Variants in UTP25 observed in about 807,000 individuals in gnomAD.
UTP25 encodes U3 small nucleolar RNA-associated protein 25 homolog.
In UTP25, 50 loss-of-function variants were observed where a neutral mutation model predicts 78.9. The ratio of observed to expected loss-of-function variants is 0.63; its 90% CI spans 0.50 to 0.80. UTP25 has a LOEUF of 0.80. UTP25 is among the 30% of genes least tolerant of loss of function. The pLI, the probability that UTP25 is intolerant of heterozygous loss-of-function variation, is 0.00. For synonymous variants in UTP25, 329 were observed against 336.5 expected, an observed-to-expected ratio of 0.98 and a Z score of 0.24; for missense variants, 846 against 911.3, an observed-to-expected ratio of 0.93 and a Z score of 0.92.
intron 11 of UTP25, among the ~76,000 whole-genome samples, chr1:209,846,133 A>C (rs1380759349): frequency 6.6e-6 from 1 of 152,122 alleles, no homozygotes; most frequent in Non-Finnish European, 1.5e-5. Flanking sequence ...TTGGGGTTAC[A>C]GGCATGAGCC....
chr1:209,838,813 A>G lies in UTP25; in HGVS notation c.1063-96A>G, dbSNP rs779720285. The G allele has an allele frequency of 7.3e-5, 99 of 1,364,740 alleles. No individual in the cohort carries two copies. In the Middle Eastern group the frequency reaches 1.1e-3, roughly 15 times the overall value. The allele number at this position is 1,364,740 out of a possible 1,614,324, so 84.5% of individuals were successfully genotyped here. A position where few individuals can be genotyped will look rare whatever the true frequency, so the allele number is the denominator to read the frequency against. ...TTTCTTGGCTGGGGGCCACTGCTCT[A>G]CATGGAGCTTTTTAGCTCCACTTCC... is the stretch of plus-strand genomic sequence containing the variant. On this transcript the variant is annotated intron_variant, in intron 6 of 11. Coordinates refer to ENST00000491415, the MANE Select transcript of UTP25 (RefSeq NM_014388.7).
intron 1 of UTP25, among the ~76,000 whole-genome samples, chr1:209,829,485 TC>T (rs1390310156): frequency 5.6e-5 from 8 of 143,482 alleles, no homozygotes; most frequent in South Asian, 2.4e-4. Flanking sequence ...TCTTTTCTTT[TC>T]TTTTTTCTTT....
At chr1:209,849,808 T>C (rs1282342765) in intron 11 of UTP25, among the ~76,000 whole-genome samples, 1 of 152,242 alleles carries the variant, frequency 6.6e-6, no homozygotes, top group African/African-American at 2.4e-5. Flanking sequence ...ACCCACTTTT[T>C]TGGCAGAGGC....
chr1:209,844,975 C>T (rs2078189098), intron 11 of UTP25, among the ~76,000 whole-genome samples: 1 of 152,206 alleles, frequency 6.6e-6, no homozygotes, highest in Middle Eastern at 3.2e-3. Context: ...TGCATTTTCT[C>T]AGAGAATCCT....
At chr1:209,839,220 C>A in intron 7 of UTP25, 92 bp downstream of exon 7, 1 of 1,175,026 alleles carries the variant, frequency 8.5e-7, no homozygotes, top group South Asian at 1.5e-5. Flanking sequence ...CCCAGTGGAT[C>A]ACTCACTGTG....
At position 209,835,123 on chromosome 1, in the gene UTP25, AG is replaced by A; in HGVS notation, c.613del (p.Ala205LeufsTer40). 6.2e-7 allele frequency: 1 copy of A among 1,613,824 alleles called. No individual in the cohort carries two copies. The highest frequency in any genetic ancestry group is 1.3e-5 in the African/African-American group (1 of 75,036). ...VNKELKEKAI[Q>X]AVATNPKTTH... ...AAAGAACTGAAAGAAAAAGCAATTC[AG>A]GCTGTTGCCACAAATCCCAAAACTA... On this transcript the variant is annotated frameshift_variant, in exon 5 of 12. Transcript: ENST00000491415. LOFTEE classifies it high-confidence loss of function.
In UTP25 at chr1:209,843,458, T is replaced by C. The variant is rs763108252; in HGVS notation, c.1789T>C (p.Phe597Leu). 2.5e-6 allele frequency: 4 copies of C among 1,613,844 alleles called. No homozygotes were observed. In the Admixed American group the frequency reaches 5.0e-5, roughly 20 times the overall value. The change falls in exon 11 of 12, where the codon TTT becomes CTT. Residue 597 changes from phenylalanine to leucine, a missense_variant. By Grantham distance (22) the Phe-to-Leu change is conservative (BLOSUM62 0). Transcript: ENST00000491415. Reference sequence around the variant, plus strand: ...TTTGCCATTCCAAATCAGGTTTAACTTTTTTGTGAACAAGATTTTGCCACA... The same window carrying C: ...TTTGCCATTCCAAATCAGGTTTAACCTTTTTGTGAACAAGATTTTGCCACA... The part of the protein sequence containing the change: ...LASVIDARFN[F>L]FVNKILPQYR...
chr1:209,839,844 T>C (rs1358470287), intron 7 of UTP25, among the ~76,000 whole-genome samples: 1 of 152,180 alleles, frequency 6.6e-6, no homozygotes, highest in Non-Finnish European at 1.5e-5. Flanking sequence ...GTGCAGGATA[T>C]GTGTGCAACG....
Position 209,851,413 on chromosome 1 carries a change from A to G in UTP25, c.2237A>G (p.Lys746Arg). ...GCGGCACAGATGCTACAGTCCAACA[A>G]GAATGTCCACCTCTTCATTACTGGA... ...ERAAQMLQSN[K>R]NVHLFITGEK Residue 746 changes from lysine (K) to arginine (R), a missense_variant, in exon 12 of 12, where the codon AAG becomes AGG. By Grantham distance (26) the Lys-to-Arg change is conservative (BLOSUM62 2). Transcript: ENST00000491415. 6.2e-7 allele frequency: 1 copy of G among 1,612,112 alleles called. No individual in the cohort carries two copies. The highest frequency in any genetic ancestry group is 8.5e-7 in the Non-Finnish European group (1 of 1,179,516).
rs538085334 is a variant in UTP25, at chr1:209,849,146, C to G, written c.2028-2058C>G. Reference sequence around the variant, plus strand: ...CATGAAGTCGGGGGGAGGGGGTTCTCCTGGTCCAGCTCAATTTTTGGCAGG... The same window carrying G: ...CATGAAGTCGGGGGGAGGGGGTTCTGCTGGTCCAGCTCAATTTTTGGCAGG... On this transcript the variant is annotated intron_variant, in intron 11 of 11. Coordinates refer to ENST00000491415, the MANE Select transcript of UTP25 (RefSeq NM_014388.7). Among the ~76,000 whole-genome samples the G allele has an allele frequency of 1.7e-4, 26 of 152,238 alleles. No homozygotes were observed. In the East Asian group the frequency reaches 4.5e-3, roughly 26 times the overall value.
Position 209,830,967 on chromosome 1 carries a change from A to G in UTP25, c.312A>G (p.Glu104=), listed in dbSNP as rs758671970. ...EEEDSIVDDA[E]MNDEDGGSDV... is the part of the protein sequence containing the mutation. ...AAGACAGTATTGTAGATGATGCAGA[A>G]ATGAACGATGAAGATGGTGGTAGCG... Residue 104 remains glutamate, a synonymous_variant, in exon 3 of 12, where the codon GAA becomes GAG. Coordinates refer to ENST00000491415, the MANE Select transcript of UTP25 (RefSeq NM_014388.7). 1.2e-6 allele frequency: 2 copies of G among 1,613,990 alleles called. No individual in the cohort carries two copies. Among genetic ancestry groups the G allele is most frequent in the Non-Finnish European group, 1.7e-6 (2 of 1,179,968 alleles).
At chr1:209,850,667 T>C (rs1053552174) in intron 11 of UTP25, among the ~76,000 whole-genome samples, 3 of 152,228 alleles carry the variant, frequency 2.0e-5, no homozygotes, top group South Asian at 4.1e-4. Flanking sequence ...TTTCTCATGA[T>C]GCCTAGTGGG....
intron 8 of UTP25, among the ~76,000 whole-genome samples, chr1:209,841,739 C>T (rs2102576566): frequency 6.6e-6 from 1 of 152,280 alleles, no homozygotes; most frequent in African/African-American, 2.4e-5. Flanking sequence ...GTAGAACTTA[C>T]TTCTAAAGTA....
At chr1:209,834,289 A>C (rs2078119969) in intron 4 of UTP25, among the ~76,000 whole-genome samples, 1 of 152,164 alleles carries the variant, frequency 6.6e-6, no homozygotes, top group African/African-American at 2.4e-5. Context: ...TTCATTTGAA[A>C]TTTTACTGTT....
At chr1:209,836,370 C>T (rs2078132965) in intron 5 of UTP25, among the ~76,000 whole-genome samples, 1 of 152,200 alleles carries the variant, frequency 6.6e-6, no homozygotes, top group East Asian at 1.9e-4. Context: ...AACTTGTCAA[C>T]ACCTTTAGTA....
Position 209,857,062 on chromosome 1 carries a change from C to T in UTP25, c.*5615C>T, listed in dbSNP as rs985359789. ...AAACTTACAGGTCTTGTGATCTAAT[C>T]TGCCACTTGATCCGTGAATTACCTA... On this transcript the variant is annotated 3_prime_UTR_variant, in exon 12 of 12. Coordinates refer to ENST00000491415, the MANE Select transcript of UTP25 (RefSeq NM_014388.7). 3.9e-5 allele frequency: 6 copies of T among 152,182 alleles called. No homozygotes were observed. The highest frequency in any genetic ancestry group is 1.2e-4 in the African/African-American group (5 of 41,442). The allele number at this position is 152,182 out of a possible 1,614,324, so 9.4% of individuals were successfully genotyped here. A position where few individuals can be genotyped will look rare whatever the true frequency, so the allele number is the denominator to read the frequency against.
Position 209,851,586 on chromosome 1 carries a change from T to A in UTP25, c.*139T>A. 1.7e-6 allele frequency: 2 copies of A among 1,149,018 alleles called. No homozygotes were observed. Among genetic ancestry groups the A allele is most frequent in the Non-Finnish European group, 2.4e-6 (2 of 848,116 alleles). 71.2% of individuals were successfully genotyped at this position (1,149,018 alleles called of 1,614,324 possible). On this transcript the variant is annotated 3_prime_UTR_variant, in exon 12 of 12. Transcript: ENST00000491415. ...GAGGCAATGTCAGTATTATCTGACA[T>A]CTTTCTTTTCAGGTCATGTGTCCCT...
rs982135019 is a variant in UTP25 at position 209,852,992 on chromosome 1, T to C, written c.*1545T>C. Reference sequence around the variant, plus strand: ...CCATTATCCTCAATGTAATAACCCATGATTGGTACAGATTTTTTTTATCCT... The same window carrying C: ...CCATTATCCTCAATGTAATAACCCACGATTGGTACAGATTTTTTTTATCCT... On this transcript the variant is annotated 3_prime_UTR_variant, in exon 12 of 12. Transcript: ENST00000491415. 3 of 152,202 alleles carry C rather than the reference T, an allele frequency of 2.0e-5. No individual in the cohort carries two copies. Among genetic ancestry groups the C allele is most frequent in the Non-Finnish European group, 2.9e-5 (2 of 68,030 alleles). The allele number at this position is 152,202 out of a possible 1,614,324, so 9.4% of individuals were successfully genotyped here.
chr1:209,842,470 C>T, intron 9 of UTP25, 23 bp downstream of exon 9: 2 of 1,613,988 alleles, frequency 1.2e-6, no homozygotes, highest in Non-Finnish European at 1.7e-6. Flanking sequence ...CTTGTTTCCT[C>T]AGTATCTTCA....
Sources: gnomAD v4.1 joint callset for allele counts (sites outside exome capture counted in the v4.1 genomes callset) on GRCh38, gnomAD v4.1.1 for gene constraint, MANE v1.5 for transcripts, NCBI Gene and HGNC (gene_info 2026-07-23, HGNC 2026-07-21) for gene names.